MOK: variants seen among roughly 807,000 people sequenced by gnomAD.
MOK encodes MAPK/MAK/MRK overlapping kinase.
Under a neutral mutation model 54.2 loss-of-function variants are expected in MOK, and 59 were observed. The ratio of observed to expected loss-of-function variants is 1.09; its 90% CI spans 0.88 to 1.35. The LOEUF (loss-of-function observed/expected upper bound fraction) is 1.35. Ranked by LOEUF, MOK falls within the 40% of genes most tolerant of loss-of-function variation. The pLI, the probability that MOK is intolerant of heterozygous loss-of-function variation, is 0.00. For synonymous variants in MOK, 210 were observed against 202.7 expected (o/e 1.04, Z -0.31); for missense variants, 517 against 526.2 (o/e 0.98, Z 0.17).
intron 4 of MOK, among the ~76,000 whole-genome samples, chr14:102,261,418 A>AAAATAAATATAT (rs2067434800): frequency 2.3e-5 from 1 of 42,824 alleles, no homozygotes; most frequent in Non-Finnish European, 3.7e-5. Context: ...AAAAAAAAAA[A>AAAATAAATATAT]ATATATATAT....
chr14:102,269,452 T>C (rs1286149897), intron 2 of MOK, among the ~76,000 whole-genome samples: 1 of 150,376 alleles, frequency 6.6e-6, no homozygotes. Context: ...CCCAAAGTGA[T>C]GAGCCACCAC....
At chr14:102,244,746 C>A (rs1225728433) in intron 7 of MOK, among the ~76,000 whole-genome samples, 1 of 152,194 alleles carries the variant, frequency 6.6e-6, no homozygotes, top group Non-Finnish European at 1.5e-5. Context: ...TTCTGTCAGA[C>A]ATAATTCCTC....
chr14:102,218,669 G>T, the MOK span, among the ~76,000 whole-genome samples: 12 of 151,976 alleles, frequency 7.9e-5, no homozygotes, highest in East Asian at 2.3e-3. Flanking sequence ...ATTTTGAACT[G>T]AAGTCTCTAG....
chr14:102,244,579 G>A (rs1200616882), intron 7 of MOK, among the ~76,000 whole-genome samples: 1 of 149,634 alleles, frequency 6.7e-6, no homozygotes, highest in Non-Finnish European at 1.5e-5. Context: ...CATCAAGCTC[G>A]GGGATTTGCC....
chr14:102,298,382 G>C (rs2071698695), intron 1 of MOK, among the ~76,000 whole-genome samples: 1 of 151,714 alleles, frequency 6.6e-6, no homozygotes, highest in Non-Finnish European at 1.5e-5. Flanking sequence ...TCAGCACCCT[G>C]TATCTAGCTC....
intron 2 of MOK, among the ~76,000 whole-genome samples, chr14:102,277,755 C>G (rs958602905): frequency 3.3e-5 from 5 of 152,092 alleles, no homozygotes; most frequent in African/African-American, 1.2e-4. Context: ...TGAAAAGGAA[C>G]AAGAAGAACT....
At position 102,231,655 on chromosome 14, in the gene MOK, C is replaced by T; in HGVS notation, c.981+52G>A. ...GAGAGAGACACAGGCCACCCGAGGG[C>T]ATCCAGTCCCGGCTGAGCTAGGCAG... On this transcript the variant is annotated intron_variant, in intron 10 of 11. Transcript: ENST00000361847. This position sits in a 1 kb window ranked among gnomAD's most constrained non-coding sequence, Gnocchi z 4.4. The T allele has an allele frequency of 2.0e-6, 3 of 1,534,158 alleles. No individual in the cohort carries two copies. The highest frequency in any genetic ancestry group is 1.4e-5 in the African/African-American group (1 of 73,422).
chr14:102,222,780 G>GTTGCCCGTCCGGTGTT (rs1567111485), downstream of MOK: 2 of 1,610,482 alleles, frequency 1.2e-6, no homozygotes, highest in East Asian at 4.5e-5. The surrounding 1 kb of genome is among the most constrained non-coding windows in gnomAD (Gnocchi z 4.4). Context: ...CATGGTGGCT[G>GTTGCCCGTCCGGTGTT]TTGCCCGTCC....
At position 102,240,243 on chromosome 14, in the gene MOK, G is replaced by A. The variant is rs544340827; in HGVS notation, c.591-6454C>T. On this transcript the variant is annotated intron_variant, in intron 7 of 11. Coordinates refer to ENST00000361847, the MANE Select transcript of MOK (RefSeq NM_014226.3). This position sits in a 1 kb window ranked among gnomAD's most constrained non-coding sequence, Gnocchi z 5.4. Reference sequence around the variant, plus strand: ...CTGACTCTGTTTTCGGACTCAGCCCGCCTGCACCCAGGTGAAATAAACAGC... The same window carrying A: ...CTGACTCTGTTTTCGGACTCAGCCCACCTGCACCCAGGTGAAATAAACAGC... 2.6e-5 allele frequency among the ~76,000 whole-genome samples: 4 copies of A among 152,090 alleles called. No homozygotes were observed. The highest frequency in any genetic ancestry group is 1.9e-4 in the East Asian group (1 of 5,192).
chr14:102,229,174 GA>G lies in MOK; in HGVS notation c.*114del. On this transcript the variant is annotated 3_prime_UTR_variant, in exon 12 of 12. Transcript: ENST00000361847. ...CAGCACCCAGAGCCCCGGCCAGCGCGAAACGGACGCAGGCGCATCCCCAGCC... is the reference window on the plus strand; with the variant it reads ...CAGCACCCAGAGCCCCGGCCAGCGCGAACGGACGCAGGCGCATCCCCAGCC... 8.6e-7 allele frequency: 1 copy of G among 1,165,566 alleles called. No individual in the cohort carries two copies. The highest frequency in any genetic ancestry group is 1.2e-6 in the Non-Finnish European group (1 of 836,632). The allele number at this position is 1,165,566 out of a possible 1,614,324, so 72.2% of individuals were successfully genotyped here.
chr14:102,222,899 G>C (rs745910352), downstream of MOK: 1 of 1,614,086 alleles, frequency 6.2e-7, no homozygotes, highest in Non-Finnish European at 8.5e-7. The surrounding 1 kb of genome is among the most constrained non-coding windows in gnomAD (Gnocchi z 4.4). Context: ...TCACTGCTGC[G>C]CGCACAGTCT....
chr14:102,267,564 T>A (rs978821934), intron 2 of MOK, among the ~76,000 whole-genome samples: 3 of 152,142 alleles, frequency 2.0e-5, no homozygotes, highest in African/African-American at 7.2e-5. Context: ...AGACTCCATC[T>A]CAAAAAATAA....
intron 1 of MOK, among the ~76,000 whole-genome samples, chr14:102,294,145 C>A (rs1263902932): frequency 1.3e-5 from 2 of 150,498 alleles, no homozygotes; most frequent in Non-Finnish European, 2.9e-5. Flanking sequence ...ACCAAAAATA[C>A]AAAAAAATTA....
intron 1 of MOK, among the ~76,000 whole-genome samples, chr14:102,287,816 T>G (rs926555856): frequency 3.3e-5 from 5 of 150,138 alleles, no homozygotes; most frequent in East Asian, 1.9e-4. Context: ...GCCAGTTCTT[T>G]GAGATTTTTT....
In MOK at chr14:102,305,069, C is replaced by A; in HGVS notation, c.-101G>T. On this transcript the variant is annotated 5_prime_UTR_variant, in exon 1 of 12. Transcript: ENST00000361847. ...GCTTTCCACTTCCCTGAGGCGGGGT[C>A]CCGCACTAGGATCTCCGTGGTGGTC... 7.2e-7 allele frequency: 1 copy of A among 1,389,492 alleles called. No individual in the cohort carries two copies. Among genetic ancestry groups the A allele is most frequent in the Admixed American group, 2.0e-5 (1 of 50,864 alleles). The allele number at this position is 1,389,492 out of a possible 1,614,324, so 86.1% of individuals were successfully genotyped here.
rs183741301 is a variant in MOK at position 102,289,152 on chromosome 14, G to A, written c.8-5560C>T. ...ACTCCTCAGCACAAGTGATCCGCCC[G>A]TCTTGGCCTCCCAAAGTGCTGGGAT... On this transcript the variant is annotated intron_variant, in intron 1 of 11. Coordinates refer to ENST00000361847, the MANE Select transcript of MOK (RefSeq NM_014226.3). 3.9e-5 allele frequency among the ~76,000 whole-genome samples: 6 copies of A among 152,122 alleles called. 1 individual carries two copies. Among genetic ancestry groups the A allele is most frequent in the East Asian group, 3.9e-4 (2 of 5,168 alleles).
chr14:102,226,811 T>G (rs2064268658), downstream of MOK, among the ~76,000 whole-genome samples: 2 of 152,146 alleles, frequency 1.3e-5, no homozygotes, highest in Admixed American at 1.3e-4. The surrounding 1 kb of genome is among the most constrained non-coding windows in gnomAD (Gnocchi z 4.8). Context: ...AACCCTGCTG[T>G]GCGCCACAAA....
At chr14:102,274,849 C>A (rs1461308434) in intron 2 of MOK, among the ~76,000 whole-genome samples, 1 of 151,712 alleles carries the variant, frequency 6.6e-6, no homozygotes, top group African/African-American at 2.4e-5. Context: ...GTGGTGGGTG[C>A]CTGTAATCCC....
downstream of MOK, among the ~76,000 whole-genome samples, chr14:102,222,604 G>C (rs2064034989): frequency 6.6e-6 from 1 of 152,216 alleles, no homozygotes. This position sits in a 1 kb window ranked among gnomAD's most constrained non-coding sequence, Gnocchi z 4.4. Context: ...CTCTTGGACG[G>C]TATTGAGGCC....
Sources: allele counts gnomAD v4.1 joint callset (sites outside exome capture counted in the v4.1 genomes callset), GRCh38; gene constraint gnomAD v4.1.1; non-coding constraint Gnocchi (gnomAD v3.1); transcripts MANE v1.5; gene names NCBI Gene and HGNC (gene_info 2026-07-23, HGNC 2026-07-21).